The following LIPA variants were observed in gnomAD, a reference collection of about 807,000 sequenced individuals.
LIPA encodes lysosomal acid lipase/cholesteryl ester hydrolase.
In LIPA, 26 loss-of-function variants were observed where a neutral mutation model predicts 40.6. The ratio of observed to expected loss-of-function variants is 0.64; its 90% confidence interval spans 0.47 to 0.89. The LOEUF (loss-of-function observed/expected upper bound fraction) is 0.89. LIPA is among the 40% of genes least tolerant of loss of function. The probability of loss-of-function intolerance (pLI) is 0.00; values close to 1 mark genes in which losing one functional copy is unlikely to be tolerated. For missense variants in LIPA, 455 were observed against 479.6 expected, an observed-to-expected ratio of 0.95 and a Z score of 0.48; for synonymous variants, 188 against 168.4, an observed-to-expected ratio of 1.12 and a Z score of -0.90.
intron 2 of LIPA, among the ~76,000 whole-genome samples, chr10:89,355,275 A>G (rs1000382545): frequency 1.3e-5 from 2 of 152,192 alleles, no homozygotes; most frequent in African/African-American, 4.8e-5. Flanking sequence ...GCCTATTACC[A>G]TTTAAACTAT....
intron 3 of LIPA, among the ~76,000 whole-genome samples, chr10:89,231,990 T>C (rs117498076): frequency 6.6e-6 from 1 of 152,230 alleles, no homozygotes; most frequent in Non-Finnish European, 1.5e-5. Context: ...CAGCGTCTTA[T>C]GCACAGGCTT....
At chr10:89,381,236 T>C in intron 2 of LIPA, among the ~76,000 whole-genome samples, 1 of 152,202 alleles carries the variant, frequency 6.6e-6, no homozygotes, top group East Asian at 1.9e-4. Flanking sequence ...CCCTGGGTAG[T>C]GTCTGTTCTC....
At chr10:89,217,728 C>A (rs907731908) in intron 8 of LIPA, among the ~76,000 whole-genome samples, 6 of 152,134 alleles carry the variant, frequency 3.9e-5, no homozygotes, top group East Asian at 1.9e-4. Flanking sequence ...AAGTAACAAT[C>A]CCTTGTAGTA....
intron 1 of LIPA, among the ~76,000 whole-genome samples, chr10:89,414,046 A>G (rs1360727207): frequency 6.6e-6 from 1 of 152,186 alleles, no homozygotes; most frequent in African/African-American, 2.4e-5. Context: ...ATTACAAAGC[A>G]CCATTGGCGA....
intron 1 of LIPA, among the ~76,000 whole-genome samples, chr10:89,272,158 G>A (rs1843269017): frequency 6.6e-6 from 1 of 152,196 alleles, no homozygotes; most frequent in African/African-American, 2.4e-5. Flanking sequence ...GTAAATGTGT[G>A]TTATGGGGGT....
chr10:89,230,631 A>AGG (rs1341966468), intron 3 of LIPA, among the ~76,000 whole-genome samples: 1 of 152,146 alleles, frequency 6.6e-6, no homozygotes, highest in Admixed American at 6.6e-5. Flanking sequence ...GACAGCTCAA[A>AGG]CAAACCTAGG....
chr10:89,292,442 A>G (rs2133509246), intron 1 of LIPA: 2 of 152,342 alleles, frequency 1.3e-5, no homozygotes, highest in South Asian at 4.1e-4. Context: ...ACTATAGTCA[A>G]AGCTCCACAT....
chr10:89,257,289 G>A (rs1462765477), intron 1 of LIPA, among the ~76,000 whole-genome samples: 2 of 152,108 alleles, frequency 1.3e-5, no homozygotes, highest in African/African-American at 2.4e-5. Context: ...TTAATATAAA[G>A]GACTTCATTT....
At chr10:89,302,097 C>G (rs1173657389) in intron 1 of LIPA, 2 of 1,613,716 alleles carry the variant, frequency 1.2e-6, no homozygotes, top group Non-Finnish European at 1.7e-6. Context: ...CGAGCCCTGC[C>G]GAACAGCTGA....
chr10:89,269,284 C>G (rs529661814), intron 1 of LIPA, among the ~76,000 whole-genome samples: 1 of 151,694 alleles, frequency 6.6e-6, no homozygotes, highest in South Asian at 2.1e-4. Context: ...GAGCCAAGAT[C>G]TCACCACTGC....
intron 1 of LIPA, chr10:89,307,673 G>T (rs1843491658): frequency 6.8e-6 from 2 of 294,750 alleles, no homozygotes; most frequent in Admixed American, 9.3e-5. Flanking sequence ...ACCTTTAGTG[G>T]AGTAATCTAC....
At chr10:89,330,978 A>T (rs752537140) in intron 1 of LIPA, among the ~76,000 whole-genome samples, 4 of 151,952 alleles carry the variant, frequency 2.6e-5, no homozygotes, top group Admixed American at 1.3e-4. Flanking sequence ...TCAATATACA[A>T]TAATCAGAAG....
chr10:89,365,135 G>T (rs757419312), intron 2 of LIPA, among the ~76,000 whole-genome samples: 1 of 152,104 alleles, frequency 6.6e-6, no homozygotes, highest in African/African-American at 2.4e-5. Flanking sequence ...TCTAATTTTG[G>T]TGAGGAGATT....
At chr10:89,328,181 A>G in intron 1 of LIPA, 1 of 1,130,504 alleles carries the variant, frequency 8.8e-7, no homozygotes. Flanking sequence ...TGATGTTTAT[A>G]GATTCAATAT....
chr10:89,403,267 C>T (rs916226212), intron 2 of LIPA: 3 of 1,614,022 alleles, frequency 1.9e-6, no homozygotes, highest in Non-Finnish European at 2.5e-6. Flanking sequence ...CATTTTGAAT[C>T]TGCAGTGGAA....
chr10:89,393,886 G>C (rs955179216), intron 2 of LIPA, among the ~76,000 whole-genome samples: 1 of 152,106 alleles, frequency 6.6e-6, no homozygotes, highest in Non-Finnish European at 1.5e-5. Context: ...GATGGAGTTG[G>C]TACTGATAAT....
At chr10:89,384,055 T>A (rs781680465) in intron 2 of LIPA, 1 of 1,614,190 alleles carries the variant, frequency 6.2e-7, no homozygotes, top group Non-Finnish European at 8.5e-7. Flanking sequence ...GACCAGTATA[T>A]CTTCACAGGC....
At chr10:89,360,682 A>C (rs1366002838) in intron 2 of LIPA, among the ~76,000 whole-genome samples, 1 of 152,204 alleles carries the variant, frequency 6.6e-6, no homozygotes. Context: ...GAGCCACTGC[A>C]CCTGGCTCGT....
chr10:89,250,523 AT>A (rs780739946), intron 1 of LIPA, among the ~76,000 whole-genome samples: 1 of 152,164 alleles, frequency 6.6e-6, no homozygotes, highest in Admixed American at 6.5e-5. Flanking sequence ...GCCCCAGGCT[AT>A]TTTTTATCAT....
Sources: allele counts gnomAD v4.1 joint callset (sites outside exome capture counted in the v4.1 genomes callset), GRCh38; gene constraint gnomAD v4.1.1; transcripts MANE v1.5; gene names NCBI Gene and HGNC (gene_info 2026-07-23, HGNC 2026-07-21).